The following NT5M variants were observed in gnomAD, a reference collection of about 807,000 sequenced individuals.
NT5M encodes 5'(3')-deoxyribonucleotidase, mitochondrial.
In NT5M, 22 loss-of-function variants were observed where a neutral mutation model predicts 22.2. The ratio of observed to expected loss-of-function variants is 0.99; its 90% CI spans 0.71 to 1.41. The LOEUF is 1.41. Among genes scored for constraint, NT5M ranks in the 40% most tolerant of loss-of-function variants. NT5M has a pLI of 0.00. For missense variants in NT5M, 322 were observed against 314.8 expected (o/e 1.02, Z -0.17); for synonymous variants, 167 against 133.0 (o/e 1.26, Z -1.76).
intron 2 of NT5M, among the ~76,000 whole-genome samples, chr17:17,316,640 T>C (rs931072302): frequency 3.3e-5 from 5 of 152,200 alleles, no homozygotes; most frequent in Non-Finnish European, 7.4e-5. Flanking sequence ...CCTCCCGAAG[T>C]GCTGGGATTA....
chr17:17,316,877 GC>G (rs1334042989), intron 2 of NT5M, among the ~76,000 whole-genome samples: 1 of 151,208 alleles, frequency 6.6e-6, no homozygotes, highest in Non-Finnish European at 1.5e-5. Flanking sequence ...ACCACGCCTG[GC>G]TAATTTTTTG....
chr17:17,330,536 C>T lies in NT5M; in HGVS notation c.429+7291C>T, dbSNP rs201292693. Among the ~76,000 whole-genome samples, 1,232 of 151,576 alleles carry T rather than the reference C, an allele frequency of 8.1e-3. 10 individuals are homozygous for T. The highest frequency in any genetic ancestry group is 0.016 in the East Asian group (83 of 5,070). On this transcript the variant is annotated intron_variant, in intron 3 of 4. Transcript: ENST00000389022. ...GATTACAGGCATCTGCCACCATGCC[C>T]GGCTAATTTTTGTATTTTTTGTAGA...
Position 17,303,536 on chromosome 17 carries a change from C to G in NT5M, c.-15C>G, listed in dbSNP as rs973757924. The stretch of plus-strand genomic sequence containing the variant: ...CCCAGGTCCCCGCGCCCACGACGGG[C>G]CAGCGCGCTGGGCCATGATCCGGCT... On this transcript the variant is annotated 5_prime_UTR_variant, in exon 1 of 5. Transcript: ENST00000389022. 9.5e-7 allele frequency: 1 copy of G among 1,048,720 alleles called. No individual in the cohort carries two copies. The highest frequency in any genetic ancestry group is 1.7e-5 in the African/African-American group (1 of 58,318). 65.0% of individuals were successfully genotyped at this position (1,048,720 alleles called of 1,614,324 possible).
chr17:17,320,721 G>A (rs768671972), intron 2 of NT5M, among the ~76,000 whole-genome samples: 3 of 152,154 alleles, frequency 2.0e-5, no homozygotes, highest in Non-Finnish European at 4.4e-5. Flanking sequence ...GAGAGCCCCC[G>A]AGGGCCTAGA....
intron 3 of NT5M, among the ~76,000 whole-genome samples, chr17:17,336,096 G>A (rs1208994285): frequency 6.8e-6 from 1 of 146,788 alleles, no homozygotes; most frequent in Non-Finnish European, 1.5e-5. Context: ...TCTGCCTCCT[G>A]GGTTCACACC....
At chr17:17,306,236 C>T (rs2048797321) in intron 1 of NT5M, among the ~76,000 whole-genome samples, 1 of 152,202 alleles carries the variant, frequency 6.6e-6, no homozygotes, top group Admixed American at 6.6e-5. Context: ...CGAATCCAGC[C>T]TAACAAGCAC....
intron 2 of NT5M, among the ~76,000 whole-genome samples, chr17:17,316,184 A>G (rs2049024409): frequency 6.6e-6 from 1 of 151,828 alleles, no homozygotes; most frequent in African/African-American, 2.4e-5. Flanking sequence ...CAGCCTCCCA[A>G]GTAGCTGGGA....
chr17:17,320,556 C>T (rs2049130136), intron 2 of NT5M, among the ~76,000 whole-genome samples: 1 of 152,216 alleles, frequency 6.6e-6, no homozygotes, highest in South Asian at 2.1e-4. Context: ...AGGGAAGACT[C>T]GGGGAGAGAC....
intron 3 of NT5M, among the ~76,000 whole-genome samples, chr17:17,332,214 G>T (rs560009322): frequency 1.2e-4 from 18 of 152,262 alleles, no homozygotes; most frequent in African/African-American, 4.1e-4. Flanking sequence ...CATTTTGCCT[G>T]CTAGGGACTG....
chr17:17,346,789 G>T lies in NT5M; in HGVS notation c.545-16G>T. ...GGTCTCCACTGCTGAGCTGAATGCCGCTTTCCCACCCACAGGGGCCGAGCC... is the reference window on the plus strand; with the variant it reads ...GGTCTCCACTGCTGAGCTGAATGCCTCTTTCCCACCCACAGGGGCCGAGCC... On this transcript the variant is annotated splice_polypyrimidine_tract_variant and intron_variant, in intron 4 of 4. Transcript: ENST00000389022. 1 of 1,605,618 alleles carries T rather than the reference G, an allele frequency of 6.2e-7. No homozygotes were observed. The highest frequency in any genetic ancestry group is 8.5e-7 in the Non-Finnish European group (1 of 1,179,890).
intron 3 of NT5M, among the ~76,000 whole-genome samples, chr17:17,336,090 C>T (rs989723934): frequency 1.3e-5 from 2 of 149,454 alleles, no homozygotes; most frequent in African/African-American, 5.0e-5. Flanking sequence ...GCAAACTCTG[C>T]CTCCTGGGTT....
At chr17:17,346,355 A>G (rs1212342098) in intron 4 of NT5M, among the ~76,000 whole-genome samples, 1 of 152,224 alleles carries the variant, frequency 6.6e-6, no homozygotes, top group Non-Finnish European at 1.5e-5. Flanking sequence ...GGGGCCTGTG[A>G]TCAGCGGCTG....
At chr17:17,311,199 G>A (rs1158078956) in intron 2 of NT5M, among the ~76,000 whole-genome samples, 1 of 152,048 alleles carries the variant, frequency 6.6e-6, no homozygotes, top group African/African-American at 2.4e-5. Context: ...TTAGCTGGGT[G>A]TGGTGGTGGG....
intron 3 of NT5M, among the ~76,000 whole-genome samples, chr17:17,341,525 C>A (rs2049640565): frequency 6.6e-6 from 1 of 152,138 alleles, no homozygotes; most frequent in South Asian, 2.1e-4. Flanking sequence ...CATAATTTTC[C>A]ACTAAATCCC....
In NT5M at chr17:17,342,019, ACT is replaced by A. The variant is rs559650246; in HGVS notation, c.430-2772_430-2771del. Among the ~76,000 whole-genome samples the A allele has an allele frequency of 6.6e-5, 10 of 151,836 alleles. No homozygotes were observed. The East Asian group carries it at 1.9e-3, about 29-fold the overall frequency. ...GCACTCCAGCCTGGGCGACAGCAAG[ACT>A]CTGTCTCAAAAAAAAGAAAAAAAAA... On this transcript the variant is annotated intron_variant, in intron 3 of 4. Coordinates refer to ENST00000389022, the MANE Select transcript of NT5M (RefSeq NM_020201.4).
chr17:17,339,384 T>G (rs372919331), intron 3 of NT5M, among the ~76,000 whole-genome samples: 138 of 152,302 alleles, frequency 9.1e-4, no homozygotes, highest in African/African-American at 3.3e-3. Flanking sequence ...ATCTTTAGGT[T>G]TTTCCAAATA....
chr17:17,318,165 G>A (rs986139656), intron 2 of NT5M, among the ~76,000 whole-genome samples: 7 of 151,402 alleles, frequency 4.6e-5, no homozygotes, highest in African/African-American at 1.7e-4. Flanking sequence ...CCACACAATG[G>A]AATATGTTTC....
In NT5M at chr17:17,304,509, A is replaced by G. The variant is rs2048750180; in HGVS notation, c.267+692A>G. 4 of 897,204 alleles carry G rather than the reference A, an allele frequency of 4.5e-6. No homozygotes were observed. In the South Asian group the frequency reaches 1.5e-4, roughly 35 times the overall value. The allele number at this position is 897,204 out of a possible 1,614,324, so 55.6% of individuals were successfully genotyped here. A position where few individuals can be genotyped will look rare whatever the true frequency, so the allele number is the denominator to read the frequency against. ...AAATTTGAAGTATTTTGCAAAAGGA[A>G]CAGGGGATTTTGGTATGCACAAAAT... On this transcript the variant is annotated intron_variant, in intron 1 of 4. Transcript: ENST00000389022.
At chr17:17,337,320 T>C (rs1218000157) in intron 3 of NT5M, among the ~76,000 whole-genome samples, 1 of 152,148 alleles carries the variant, frequency 6.6e-6, no homozygotes, top group Admixed American at 6.6e-5. Flanking sequence ...TAGCTCACTG[T>C]AGCCTCAACC....
Sources: allele counts gnomAD v4.1 joint callset (sites outside exome capture counted in the v4.1 genomes callset), GRCh38; gene constraint gnomAD v4.1.1; transcripts MANE v1.5; gene names NCBI Gene and HGNC (gene_info 2026-07-23, HGNC 2026-07-21).